The following PLAAT5 variants were observed in gnomAD, a reference collection of about 807,000 sequenced individuals.
PLAAT5 encodes Ca(2+)-independent N-acyltransferase.
In PLAAT5, 27 loss-of-function variants were observed where a neutral mutation model predicts 27.8. The ratio of observed to expected loss-of-function variants is 0.97; its 90% CI spans 0.72 to 1.34. The LOEUF (loss-of-function observed/expected upper bound fraction) is 1.34. PLAAT5 is among the 40% of genes most tolerant of loss of function. The pLI, the probability that PLAAT5 is intolerant of heterozygous loss-of-function variation, is 0.00. For synonymous variants in PLAAT5, 125 were observed against 136.1 expected (o/e 0.92, Z 0.57); for missense variants, 368 against 343.8 (o/e 1.07, Z -0.56).
At chr11:63,472,691 T>C (rs972947964) in intron 3 of PLAAT5, among the ~76,000 whole-genome samples, 2 of 152,222 alleles carry the variant, frequency 1.3e-5, no homozygotes, top group African/African-American at 4.8e-5. Context: ...TATGCTATGA[T>C]GAATAGAATT....
rs2015731237 is a variant in PLAAT5 at position 63,461,998 on chromosome 11, TC to T, written c.*1504del. 6.6e-6 allele frequency: 1 copy of T among 152,216 alleles called. No homozygotes were observed. The highest frequency in any genetic ancestry group is 1.5e-5 in the Non-Finnish European group (1 of 68,048). The allele number at this position is 152,216 out of a possible 1,614,324, so 9.4% of individuals were successfully genotyped here. ...ACATAAGCAAGAGATGGATGAGTCC[TC>T]TGTGCAGAAGTTACTAAACACTCCT... is the stretch of plus-strand genomic sequence containing the variant. On this transcript the variant is annotated 3_prime_UTR_variant, in exon 6 of 6. Coordinates refer to ENST00000540857, the MANE Select transcript of PLAAT5 (RefSeq NM_001146729.2).
rs1430898860 is a variant in PLAAT5, at chr11:63,491,070, C to T, written c.-36G>A. On this transcript the variant is annotated 5_prime_UTR_variant, in exon 1 of 6. Coordinates refer to ENST00000540857, the MANE Select transcript of PLAAT5 (RefSeq NM_001146729.2). ...CGGCCTCGCCGGCCCCCAGGCCTTG[C>T]AGGGGACTACGCCCCTGGCGAGTTC... 1.4e-5 allele frequency: 19 copies of T among 1,404,966 alleles called. No homozygotes were observed. Among genetic ancestry groups the T allele is most frequent in the Non-Finnish European group, 1.7e-5 (18 of 1,081,602 alleles). 87.0% of individuals were successfully genotyped at this position (1,404,966 alleles called of 1,614,324 possible). A position where few individuals can be genotyped will look rare whatever the true frequency, so the allele number is the denominator to read the frequency against.
At chr11:63,471,364 G>T (rs1260351355) in intron 3 of PLAAT5, among the ~76,000 whole-genome samples, 1 of 152,082 alleles carries the variant, frequency 6.6e-6, no homozygotes, top group South Asian at 2.1e-4. Context: ...CAAAGTATTT[G>T]TTTTCCCTTG....
chr11:63,468,242 T>C, intron 4 of PLAAT5, 115 bp downstream of exon 4: 1 of 800,172 alleles, frequency 1.2e-6, no homozygotes, highest in South Asian at 1.6e-5. Context: ...CAGTCATGCT[T>C]CAAGGGGTCC....
intron 4 of PLAAT5, among the ~76,000 whole-genome samples, chr11:63,468,067 C>T (rs567619542): frequency 2.0e-5 from 3 of 152,190 alleles, no homozygotes; most frequent in African/African-American, 7.2e-5. Flanking sequence ...TTTGTCAATA[C>T]AAAATGGAGC....
rs1332999121 is a variant in PLAAT5 at position 63,462,605 on chromosome 11, C to T, written c.*898G>A. 1 of 152,128 alleles carries T rather than the reference C, an allele frequency of 6.6e-6. No homozygotes were observed. The highest frequency in any genetic ancestry group is 1.9e-4 in the East Asian group (1 of 5,194). 9.4% of individuals were successfully genotyped at this position (152,128 alleles called of 1,614,324 possible). On this transcript the variant is annotated 3_prime_UTR_variant, in exon 6 of 6. Coordinates refer to ENST00000540857, the MANE Select transcript of PLAAT5 (RefSeq NM_001146729.2). ...CATATTTTCTAGGTATCTCTGGAGGCATAAGAGAACACTTTTCTAGCTTTT... is the reference window on the plus strand; with the variant it reads ...CATATTTTCTAGGTATCTCTGGAGGTATAAGAGAACACTTTTCTAGCTTTT...
chr11:63,472,396 T>C (rs969557394), intron 3 of PLAAT5, among the ~76,000 whole-genome samples: 12 of 152,208 alleles, frequency 7.9e-5, no homozygotes, highest in African/African-American at 2.9e-4. Flanking sequence ...GGCACCACAT[T>C]TTGCTTAACC....
intron 3 of PLAAT5, chr11:63,470,403 G>C (rs1160651385): frequency 6.2e-6 from 1 of 162,338 alleles, no homozygotes; most frequent in African/African-American, 2.4e-5. Flanking sequence ...TTATACATAA[G>C]AGATTCATAC....
intron 3 of PLAAT5, among the ~76,000 whole-genome samples, chr11:63,475,154 CAGTT>C (rs1187617548): frequency 1.2e-4 from 18 of 152,014 alleles, no homozygotes; most frequent in African/African-American, 4.3e-4. Context: ...TTATAAATGT[CAGTT>C]AGATCATGTC....
Position 63,466,127 on chromosome 11 carries a change from C to A in PLAAT5, c.700G>T (p.Val234Leu). 6.2e-7 allele frequency: 1 copy of A among 1,614,040 alleles called. No homozygotes were observed. The highest frequency in any genetic ancestry group is 1.1e-5 in the South Asian group (1 of 91,056). ...EHFVNGLRYGVPRSQQVEHAL... is the reference protein window; with the variant it reads ...EHFVNGLRYGLPRSQQVEHAL... Reference sequence around the variant, plus strand: ...GGTCACACCTGCTGGCTCCGGGGTACGCCATATCTGAGGCCATTGACAAAG... The same window carrying A: ...GGTCACACCTGCTGGCTCCGGGGTAAGCCATATCTGAGGCCATTGACAAAG... The change falls in exon 5 of 6, where the codon GTA (valine) becomes TTA (leucine). Residue 234 changes from valine to leucine, a missense_variant. Coordinates refer to ENST00000540857, the MANE Select transcript of PLAAT5 (RefSeq NM_001146729.2).
At position 63,463,304 on chromosome 11, in the gene PLAAT5, T is replaced by A. The variant is rs2120193167; in HGVS notation, c.*199A>T. On this transcript the variant is annotated 3_prime_UTR_variant, in exon 6 of 6. Transcript: ENST00000540857. Reference sequence around the variant, plus strand: ...TAAGAGATACACACTAGATACCAGATCCTTCCCATCCTGAGAGTCTGTGGG... The same window carrying A: ...TAAGAGATACACACTAGATACCAGAACCTTCCCATCCTGAGAGTCTGTGGG... 6 of 604,390 alleles carry A rather than the reference T, an allele frequency of 9.9e-6. 1 individual carries two copies. In the South Asian group the frequency reaches 1.2e-4, roughly 12 times the overall value. 37.4% of individuals were successfully genotyped at this position (604,390 alleles called of 1,614,324 possible). A position where few individuals can be genotyped will look rare whatever the true frequency, so the allele number is the denominator to read the frequency against.
chr11:63,477,229 G>A (rs543938440), intron 3 of PLAAT5, among the ~76,000 whole-genome samples: 42 of 152,184 alleles, frequency 2.8e-4, no homozygotes, highest in African/African-American at 1.0e-3. Flanking sequence ...GTGTGTATGG[G>A]TCCCTCTTTC....
At chr11:63,471,081 T>G (rs1468471561) in intron 3 of PLAAT5, 1 of 152,226 alleles carries the variant, frequency 6.6e-6, no homozygotes, top group African/African-American at 2.4e-5. Flanking sequence ...GAAACACATT[T>G]GTTTAAAAAC....
chr11:63,473,534 A>T (rs748213296), intron 3 of PLAAT5, among the ~76,000 whole-genome samples: 1 of 152,176 alleles, frequency 6.6e-6, no homozygotes, highest in Non-Finnish European at 1.5e-5. Flanking sequence ...TTCTACATAC[A>T]TTGAATTTTT....
intron 3 of PLAAT5, among the ~76,000 whole-genome samples, chr11:63,477,578 C>A (rs538282018): frequency 1.5e-4 from 23 of 152,126 alleles, no homozygotes; most frequent in Middle Eastern, 3.4e-3. Context: ...CAGGTTCAAA[C>A]GATTCTCCTG....
chr11:63,490,704 G>C (rs2016543319), intron 1 of PLAAT5, among the ~76,000 whole-genome samples, 183 bp downstream of exon 1: 1 of 152,216 alleles, frequency 6.6e-6, no homozygotes, highest in Non-Finnish European at 1.5e-5. Context: ...GAAGGAGGGA[G>C]TGGCTGCCTG....
chr11:63,463,628 T>C, intron 5 of PLAAT5, 33 bp from the exon 6 acceptor site: 1 of 1,573,842 alleles, frequency 6.4e-7, no homozygotes, highest in Non-Finnish European at 8.7e-7. Flanking sequence ...GGACAATCAG[T>C]ACCAATCCTA....
Position 63,476,900 on chromosome 11 carries a change from G to T in PLAAT5, c.346-8435C>A, listed in dbSNP as rs151022920. Among the ~76,000 whole-genome samples the T allele has an allele frequency of 3.2e-4, 48 of 151,878 alleles. No homozygotes were observed. The East Asian group carries it at 8.5e-3, about 27-fold the overall frequency. On this transcript the variant is annotated intron_variant, in intron 3 of 5. Transcript: ENST00000540857. ...CTTTTTCCTCCTACTCTTCATACTA[G>T]GTAGTTGCTGTTGATCCATCTTTGA... is the stretch of plus-strand genomic sequence containing the variant.
rs142648806 is a variant in PLAAT5 at position 63,468,372 on chromosome 11, G to A, written c.439C>T (p.His147Tyr). Residue 147 changes from histidine (H) to tyrosine (Y), a missense_variant, in exon 4 of 6, where the codon CAT becomes TAT. Transcript: ENST00000540857. ...TCACTCTTACTTGGGGGAGCCAGAT[G>A]GACCACGCAATCATCTTCTACATAG... ...AIYVEDDCVV[H>Y]LAPPSEEFEV... 3.1e-6 allele frequency: 5 copies of A among 1,612,920 alleles called. No individual in the cohort carries two copies. The African/African-American group carries it at 5.3e-5, about 17-fold the overall frequency.
Sources: gnomAD v4.1 joint callset for allele counts (sites outside exome capture counted in the v4.1 genomes callset) on GRCh38, gnomAD v4.1.1 for gene constraint, MANE v1.5 for transcripts, NCBI Gene and HGNC (gene_info 2026-07-23, HGNC 2026-07-21) for gene names.